Variants in ERC1 observed in about 807,000 individuals in gnomAD.
ERC1 encodes the protein RAB6 interacting protein 2.
ERC1 carries 56 observed loss-of-function variants against 132.0 expected under a neutral mutation model. The ratio of observed to expected loss-of-function variants is 0.42; its 90% CI spans 0.34 to 0.53. The LOEUF is 0.53. Ranked by LOEUF, ERC1 falls within the 20% of genes least tolerant of loss-of-function variation. The pLI is 0.03. For missense variants in ERC1, 1,202 were observed against 1,349.9 expected (o/e 0.89, Z 1.72); for synonymous variants, 478 against 476.1 (o/e 1.00, Z -0.05).
At chr12:1,423,399 C>T (rs536172479) in intron 17 of ERC1, among the ~76,000 whole-genome samples, 12 of 152,202 alleles carry the variant, frequency 7.9e-5, no homozygotes, top group Non-Finnish European at 1.8e-4. Flanking sequence ...CTTTGTTTAT[C>T]TTTTAACAGC....
intron 3 of ERC1, among the ~76,000 whole-genome samples, chr12:1,095,568 A>G (rs1214894147): frequency 2.1e-5 from 3 of 145,736 alleles, no homozygotes; most frequent in Admixed American, 6.6e-5. Context: ...CAAATAGACT[A>G]TATAACAAGA....
At chr12:1,049,209 T>C (rs954114829) in intron 2 of ERC1, among the ~76,000 whole-genome samples, 2 of 152,258 alleles carry the variant, frequency 1.3e-5, no homozygotes, top group Non-Finnish European at 2.9e-5. Context: ...TACTGGAATT[T>C]GACATTTCTG....
At chr12:1,199,568 C>T (rs943108112) in intron 12 of ERC1, among the ~76,000 whole-genome samples, 53 of 151,808 alleles carry the variant, frequency 3.5e-4, no homozygotes, top group African/African-American at 1.1e-3. Context: ...GTCAGGAGTT[C>T]GAGACCAGCC....
chr12:1,490,294 A>G lies in ERC1; in HGVS notation c.*64A>G. On this transcript the variant is annotated 3_prime_UTR_variant, in exon 19 of 19. Coordinates refer to ENST00000360905, the MANE Select transcript of ERC1 (RefSeq NM_178040.4). ...AGCCAAGAAAAGAGAACTACGAGGA[A>G]CAGGTGCCCGGAACCTTCTTGGCAC... The G allele has an allele frequency of 6.5e-7, 1 of 1,543,482 alleles. No individual in the cohort carries two copies. Among genetic ancestry groups the G allele is most frequent in the Admixed American group, 1.9e-5 (1 of 53,208 alleles).
intron 2 of ERC1, among the ~76,000 whole-genome samples, chr12:1,039,852 G>A (rs1047330562): frequency 6.6e-6 from 1 of 152,150 alleles, no homozygotes; most frequent in African/African-American, 2.4e-5. Flanking sequence ...TCTGCTTATG[G>A]GAGTAAGAAG....
intron 16 of ERC1, among the ~76,000 whole-genome samples, chr12:1,406,145 T>C (rs2091476435): frequency 6.6e-6 from 1 of 152,180 alleles, no homozygotes. Context: ...AGCAGTCTTA[T>C]GTAGGAGAAA....
intron 15 of ERC1, among the ~76,000 whole-genome samples, chr12:1,353,362 A>G (rs1024099056): frequency 6.6e-6 from 1 of 152,232 alleles, no homozygotes; most frequent in Non-Finnish European, 1.5e-5. Flanking sequence ...AAGAGACAGG[A>G]GAACATTTTC....
chr12:1,075,724 C>T (rs987296278), intron 2 of ERC1, among the ~76,000 whole-genome samples: 2 of 150,808 alleles, frequency 1.3e-5, no homozygotes, highest in East Asian at 3.9e-4. Context: ...AAGACTGTCT[C>T]GGGGGAAAAG....
chr12:1,408,628 C>G (rs1367127671), intron 17 of ERC1, among the ~76,000 whole-genome samples: 1 of 152,180 alleles, frequency 6.6e-6, no homozygotes, highest in African/African-American at 2.4e-5. Flanking sequence ...CCTTACAAGC[C>G]TAGTGAGGCA....
intron 12 of ERC1, chr12:1,204,557 G>C: frequency 6.4e-7 from 1 of 1,560,660 alleles, no homozygotes. Flanking sequence ...ATTGAGCGTT[G>C]TTTGCGAATA....
intron 18 of ERC1, among the ~76,000 whole-genome samples, chr12:1,463,272 G>A (rs562894164): frequency 1.4e-4 from 21 of 152,144 alleles, no homozygotes; most frequent in East Asian, 7.7e-4. Flanking sequence ...CTCCGGGACC[G>A]CATCAATCAT....
chr12:1,405,384 C>T (rs1206242987), intron 16 of ERC1, among the ~76,000 whole-genome samples: 1 of 151,362 alleles, frequency 6.6e-6, no homozygotes. Context: ...GAACCTAAAT[C>T]TTCAACAGTA....
chr12:1,418,641 TTCTC>T lies in ERC1; in HGVS notation c.3024+10412_3024+10415del, dbSNP rs1326722348. ...TTTCTTTCTTTCTTTCTTTCTTTCTTTCTCTCTCTCTCTCTCTCTCTTTCTTTTC... is the reference window on the plus strand; with the variant it reads ...TTTCTTTCTTTCTTTCTTTCTTTCTTTCTCTCTCTCTCTCTCTTTCTTTTC... On this transcript the variant is annotated intron_variant, in intron 17 of 18. Coordinates refer to ENST00000360905, the MANE Select transcript of ERC1 (RefSeq NM_178040.4). 1.1e-3 allele frequency among the ~76,000 whole-genome samples: 83 copies of T among 78,884 alleles called. 2 individuals carry two copies. The highest frequency in any genetic ancestry group is 8.0e-3 in the South Asian group (17 of 2,118). The allele number at this position is 78,884 out of a possible 152,430, so 51.8% of individuals were successfully genotyped here.
At chr12:992,492 T>C (rs187817517) in intron 1 of ERC1, among the ~76,000 whole-genome samples, 11 of 152,370 alleles carry the variant, frequency 7.2e-5, no homozygotes, top group Non-Finnish European at 1.5e-4. Flanking sequence ...TTTGCAGTTA[T>C]GTTTCTTGCA....
intron 15 of ERC1, among the ~76,000 whole-genome samples, chr12:1,322,725 A>G (rs11061698): frequency 0.4 from 60,292 of 151,916 alleles, 12,409 homozygotes; most frequent in Middle Eastern, 0.52. Flanking sequence ...GAAATCTGAC[A>G]TAACTTGTCT....
At chr12:1,336,130 G>A (rs968615645) in intron 15 of ERC1, among the ~76,000 whole-genome samples, 1 of 151,792 alleles carries the variant, frequency 6.6e-6, no homozygotes. Flanking sequence ...ATTTCTAATC[G>A]TGTTTGTTTG....
At chr12:1,124,074 G>A (rs552778270) in intron 7 of ERC1, among the ~76,000 whole-genome samples, 1 of 152,296 alleles carries the variant, frequency 6.6e-6, no homozygotes, top group African/African-American at 2.4e-5. Context: ...GCTCCTGTCA[G>A]AATTTGATCA....
At chr12:1,220,243 C>T (rs1406178736) in intron 12 of ERC1, among the ~76,000 whole-genome samples, 1 of 152,130 alleles carries the variant, frequency 6.6e-6, no homozygotes, top group Non-Finnish European at 1.5e-5. Flanking sequence ...TGTCACTGTG[C>T]TATGACATAC....
At chr12:1,138,785 G>A (rs1949598643) in intron 7 of ERC1, among the ~76,000 whole-genome samples, 1 of 152,198 alleles carries the variant, frequency 6.6e-6, no homozygotes, top group Non-Finnish European at 1.5e-5. Context: ...CTGGTACATT[G>A]GGACCGTCTG....
Sources: gnomAD v4.1 joint callset for allele counts (sites outside exome capture counted in the v4.1 genomes callset) on GRCh38, gnomAD v4.1.1 for gene constraint, MANE v1.5 for transcripts, NCBI Gene and HGNC (gene_info 2026-07-23, HGNC 2026-07-21) for gene names.